FBXW11: variants seen among roughly 807,000 people sequenced by gnomAD.
FBXW11 encodes F-box and WD repeat domain containing 11.
Under a neutral mutation model 77.6 loss-of-function variants are expected in FBXW11, and 19 were observed. The ratio of observed to expected loss-of-function variants is 0.24; its 90% CI spans 0.17 to 0.36. The LOEUF (loss-of-function observed/expected upper bound fraction) is 0.36. FBXW11 is among the 10% of genes least tolerant of loss of function. The pLI is 1.00. For missense variants in FBXW11, 334 were observed against 704.2 expected (o/e 0.47, Z 5.95); for synonymous variants, 235 against 249.4 (o/e 0.94, Z 0.54).
At position 171,932,772 on chromosome 5, in the gene FBXW11, C is replaced by T. The variant is rs905401842; in HGVS notation, c.148-18367G>A. 3.3e-5 allele frequency among the ~76,000 whole-genome samples: 5 copies of T among 151,912 alleles called. No homozygotes were observed. In the East Asian group the frequency reaches 9.7e-4, roughly 29 times the overall value. On this transcript the variant is annotated intron_variant, in intron 2 of 13. Transcript: ENST00000517395. ...ATGGCTGTTTATAGCAGCAGTTACA[C>T]ATAACTGCTAAAACTTGGAAGCAGC...
At chr5:171,903,424 T>C (rs1760269619) in intron 4 of FBXW11, among the ~76,000 whole-genome samples, 1 of 152,174 alleles carries the variant, frequency 6.6e-6, no homozygotes, top group Non-Finnish European at 1.5e-5. Context: ...CTATGTTTAC[T>C]TAAAATCAGG....
At chr5:171,902,154 A>G (rs980016743) in intron 4 of FBXW11, among the ~76,000 whole-genome samples, 5 of 152,174 alleles carry the variant, frequency 3.3e-5, no homozygotes, top group African/African-American at 4.8e-5. Flanking sequence ...AGGTATTTGG[A>G]AAAATCAGCA....
intron 13 of FBXW11, among the ~76,000 whole-genome samples, chr5:171,864,988 G>C (rs1757297903): frequency 6.7e-6 from 1 of 149,466 alleles, no homozygotes; most frequent in South Asian, 2.1e-4. Flanking sequence ...AAGCAAGAGA[G>C]ACTTTTTAAA....
At chr5:171,991,561 G>A (rs1765740701) in intron 1 of FBXW11, among the ~76,000 whole-genome samples, 1 of 152,188 alleles carries the variant, frequency 6.6e-6, no homozygotes, top group African/African-American at 2.4e-5. Context: ...CAGGACTCAA[G>A]ACAGACTGAA....
chr5:171,915,303 T>C lies in FBXW11; in HGVS notation c.148-898A>G, dbSNP rs1761152748. ...CATAGTATTATTCAAAAGGATATTA[T>C]AGATCTATTTAAGGTATCAGTGTTT... On this transcript the variant is annotated intron_variant, in intron 2 of 13. Coordinates refer to ENST00000517395, the MANE Select transcript of FBXW11 (RefSeq NM_001378974.1). Among the ~76,000 whole-genome samples, 2 of 152,244 alleles carry C rather than the reference T, an allele frequency of 1.3e-5. 1 individual carries two copies. Among genetic ancestry groups the C allele is most frequent in the African/African-American group, 4.8e-5 (2 of 41,470 alleles).
At chr5:172,005,141 A>G (rs1766655501) in intron 1 of FBXW11, among the ~76,000 whole-genome samples, 1 of 152,214 alleles carries the variant, frequency 6.6e-6, no homozygotes, top group Admixed American at 6.5e-5. Context: ...AAATGGGGGA[A>G]GTGGCTCTGA....
chr5:171,989,432 A>G (rs1431324485), intron 1 of FBXW11, among the ~76,000 whole-genome samples: 12 of 152,272 alleles, frequency 7.9e-5, no homozygotes, highest in African/African-American at 2.9e-4. Context: ...GTGCCTCCTG[A>G]TATGACTCAA....
intron 1 of FBXW11, among the ~76,000 whole-genome samples, chr5:171,980,198 T>C (rs1452370182): frequency 6.6e-6 from 1 of 152,228 alleles, no homozygotes; most frequent in African/African-American, 2.4e-5. Context: ...GGTCTTTGAA[T>C]AAATTTTGCT....
At chr5:171,983,558 A>G (rs996374324) in intron 1 of FBXW11, among the ~76,000 whole-genome samples, 1 of 152,080 alleles carries the variant, frequency 6.6e-6, no homozygotes, top group African/African-American at 2.4e-5. Flanking sequence ...CTCTAGGTAG[A>G]TTGTGTCGGA....
At chr5:171,930,754 T>TAAAAAAA (rs1300857997) in intron 2 of FBXW11, among the ~76,000 whole-genome samples, 9 of 32,268 alleles carry the variant, frequency 2.8e-4, no homozygotes, top group African/African-American at 6.8e-4. Flanking sequence ...AAATAAAAAA[T>TAAAAAAA]AAAAAAATAA....
intron 7 of FBXW11, among the ~76,000 whole-genome samples, chr5:171,886,423 G>A (rs1487653370): frequency 6.7e-6 from 1 of 149,514 alleles, no homozygotes; most frequent in Non-Finnish European, 1.5e-5. Context: ...GGCCTGTTGT[G>A]GGGTTGGGGG....
At chr5:171,967,883 T>C (rs12188177) in intron 1 of FBXW11, among the ~76,000 whole-genome samples, 14,060 of 74,614 alleles carry the variant, frequency 0.19, 871 homozygotes, top group East Asian at 0.22. Context: ...TATATATATA[T>C]ACACACACAC....
intron 1 of FBXW11, among the ~76,000 whole-genome samples, chr5:171,971,644 T>C (rs1285233011): frequency 6.6e-6 from 1 of 151,892 alleles, no homozygotes; most frequent in African/African-American, 2.4e-5. Flanking sequence ...AAAAAAAAAT[T>C]TATTACATTT....
chr5:172,005,712 A>C (rs755869100), intron 1 of FBXW11, among the ~76,000 whole-genome samples: 17 of 151,756 alleles, frequency 1.1e-4, no homozygotes, highest in Non-Finnish European at 1.9e-4. Context: ...CTCCCTCCCC[A>C]GTCATCTCCA....
intron 1 of FBXW11, among the ~76,000 whole-genome samples, chr5:171,979,771 A>G (rs1765045349): frequency 6.6e-6 from 1 of 152,112 alleles, no homozygotes; most frequent in East Asian, 1.9e-4. Context: ...CAGCAAGGCC[A>G]TTTTTCTATT....
At chr5:171,911,230 T>C (rs1760861532) in intron 3 of FBXW11, among the ~76,000 whole-genome samples, 1 of 152,214 alleles carries the variant, frequency 6.6e-6, no homozygotes, top group Admixed American at 6.5e-5. Context: ...AAGTTCAAAG[T>C]TAATGCTACA....
At chr5:171,943,732 A>G (rs932692108) in intron 2 of FBXW11, among the ~76,000 whole-genome samples, 4 of 152,194 alleles carry the variant, frequency 2.6e-5, no homozygotes, top group Non-Finnish European at 4.4e-5. Flanking sequence ...AACAGGCGTG[A>G]GCCACCGGGC....
intron 2 of FBXW11, among the ~76,000 whole-genome samples, chr5:171,952,367 T>C (rs1319726766): frequency 7.1e-6 from 1 of 141,202 alleles, no homozygotes; most frequent in Non-Finnish European, 1.5e-5. Flanking sequence ...TTTTTAACCA[T>C]ATATACATAC....
intron 2 of FBXW11, among the ~76,000 whole-genome samples, chr5:171,953,689 G>A (rs1454032688): frequency 6.6e-6 from 1 of 152,106 alleles, no homozygotes; most frequent in Non-Finnish European, 1.5e-5. Flanking sequence ...AACCCTTTAT[G>A]ATTTTTAAAG....
Sources: gnomAD v4.1 joint callset for allele counts (sites outside exome capture counted in the v4.1 genomes callset) on GRCh38, gnomAD v4.1.1 for gene constraint, MANE v1.5 for transcripts, NCBI Gene and HGNC (gene_info 2026-07-23, HGNC 2026-07-21) for gene names.